Variants in ACTA2 observed in about 807,000 individuals in gnomAD.
The protein encoded by ACTA2 is actin alpha 2, smooth muscle.
Under a neutral mutation model 39.5 loss-of-function variants are expected in ACTA2, and 12 were observed. The observed-to-expected ratio is 0.30, with a 90% CI of 0.19 to 0.49. The LOEUF (loss-of-function observed/expected upper bound fraction) is 0.49, where lower values mean the gene tolerates loss of function less well. ACTA2 is among the 20% of genes least tolerant of loss of function. ACTA2 has a pLI of 0.99. For missense variants in ACTA2, 236 were observed against 498.8 expected, an observed-to-expected ratio of 0.47 and a Z score of 5.02; for synonymous variants, 158 against 180.6, an observed-to-expected ratio of 0.88 and a Z score of 1.00.
At chr10:88,936,904 G>T (rs911972725) in intron 8 of ACTA2, among the ~76,000 whole-genome samples, 4 of 151,686 alleles carry the variant, frequency 2.6e-5, no homozygotes. Flanking sequence ...TCATTACATC[G>T]GGGCCCAGAG....
At chr10:88,935,666 A>C (rs1845723948) in intron 8 of ACTA2, 2 of 364,816 alleles carry the variant, frequency 5.5e-6, no homozygotes, top group Non-Finnish European at 1.1e-5. Flanking sequence ...GCCCCCACTT[A>C]AGAACCCTGG....
intron 1 of ACTA2, among the ~76,000 whole-genome samples, chr10:88,967,687 T>C (rs1350207357): frequency 3.9e-5 from 6 of 152,222 alleles, no homozygotes; most frequent in African/African-American, 1.2e-4. Flanking sequence ...ATATTTTGTT[T>C]CATGATTTTG....
chr10:88,989,088 T>C (rs778749943), intron 1 of ACTA2, among the ~76,000 whole-genome samples: 27 of 152,214 alleles, frequency 1.8e-4, no homozygotes, highest in Non-Finnish European at 3.4e-4. Context: ...TCTTTGCCAA[T>C]GTTGCTTAAG....
intron 1 of ACTA2, among the ~76,000 whole-genome samples, chr10:88,983,379 C>T (rs944074071): frequency 6.6e-6 from 1 of 151,954 alleles, no homozygotes; most frequent in African/African-American, 2.4e-5. Flanking sequence ...AACAGAACAA[C>T]AAAACAAGAA....
intron 1 of ACTA2, among the ~76,000 whole-genome samples, chr10:88,967,390 A>T (rs1029666538): frequency 6.6e-6 from 1 of 152,100 alleles, no homozygotes; most frequent in African/African-American, 2.4e-5. Flanking sequence ...CTAGCATCTC[A>T]CCTCAGTTTT....
intron 1 of ACTA2, among the ~76,000 whole-genome samples, chr10:88,976,649 GT>G (rs1301509888): frequency 1.3e-5 from 2 of 152,050 alleles, no homozygotes; most frequent in African/African-American, 4.8e-5. Context: ...ATGATATTGT[GT>G]TATTTTAAAA....
chr10:88,976,480 T>A (rs945406082), intron 1 of ACTA2, among the ~76,000 whole-genome samples: 2 of 152,224 alleles, frequency 1.3e-5, no homozygotes, highest in Admixed American at 6.5e-5. Flanking sequence ...AATTAGTACA[T>A]TAATTACATT....
upstream of ACTA2, among the ~76,000 whole-genome samples, chr10:88,954,160 G>A (rs1846095687): frequency 6.6e-6 from 1 of 152,168 alleles, no homozygotes; most frequent in Non-Finnish European, 1.5e-5. Context: ...ATCCCAAAAT[G>A]AGTGGCTTTA....
At chr10:88,959,851 G>A (rs562040204) in intron 1 of ACTA2, among the ~76,000 whole-genome samples, 1 of 152,228 alleles carries the variant, frequency 6.6e-6, no homozygotes, top group East Asian at 1.9e-4. Context: ...CAGTTTTGAG[G>A]AGTATTGATC....
intron 1 of ACTA2, among the ~76,000 whole-genome samples, chr10:88,966,423 C>T (rs548044880): frequency 6.6e-6 from 1 of 152,158 alleles, no homozygotes; most frequent in South Asian, 2.1e-4. Context: ...GCCCTTTGGC[C>T]CTCATTTTGT....
At chr10:88,947,192 G>A in intron 3 of ACTA2, 66 bp downstream of exon 3, 1 of 1,603,094 alleles carries the variant, frequency 6.2e-7, no homozygotes. Flanking sequence ...GTAGTGTGGT[G>A]TTCTGTATCA....
chr10:88,985,361 T>A (rs1417493470), intron 1 of ACTA2, among the ~76,000 whole-genome samples: 1 of 152,186 alleles, frequency 6.6e-6, no homozygotes, highest in Non-Finnish European at 1.5e-5. Flanking sequence ...ATTATCCAAA[T>A]CAAAACTCTT....
Position 88,985,826 on chromosome 10 carries a change from G to T in ACTA2, c.-24+5113C>A, listed in dbSNP as rs894301350. On this transcript the variant is annotated intron_variant, in intron 1 of 4. Coordinates refer to the ACTA2 transcript ENST00000415557. The stretch of plus-strand genomic sequence containing the variant: ...GAGGTTGTTTGGGGGCAGGGAGGAA[G>T]TCTAAAGTAGAGAGAAAGCGCTGCC... 4.6e-5 allele frequency among the ~76,000 whole-genome samples: 7 copies of T among 152,248 alleles called. 1 individual carries two copies. Among genetic ancestry groups the T allele is most frequent in the Non-Finnish European group, 1.5e-5 (1 of 68,048 alleles).
chr10:88,941,099 T>C, intron 6 of ACTA2, 130 bp downstream of exon 6: 3 of 1,123,984 alleles, frequency 2.7e-6, no homozygotes, highest in African/African-American at 1.5e-5. Context: ...TGCTTTGCTC[T>C]GTGCATTAGA....
Position 88,948,868 on chromosome 10 carries a change from G to A in ACTA2, c.63C>T (p.Ala21=), listed in dbSNP as rs201193926. 42 of 1,613,926 alleles carry A rather than the reference G, an allele frequency of 2.6e-5. No homozygotes were observed. The highest frequency in any genetic ancestry group is 1.5e-4 in the African/African-American group (11 of 74,974). Residue 21 remains alanine, a synonymous_variant, in exon 2 of 9, where the codon GCC becomes GCT. Transcript: ENST00000224784. ...TGGGAGCATCGTCCCCAGCAAAGCC[G>A]GCCTTACAGAGCCCAGAGCCATTGT... is the stretch of plus-strand genomic sequence containing the variant. ...VCDNGSGLCK[A]GFAGDDAPRA...
intron 1 of ACTA2, among the ~76,000 whole-genome samples, chr10:88,958,205 G>A (rs183792692): frequency 5.9e-5 from 9 of 152,218 alleles, no homozygotes; most frequent in African/African-American, 1.9e-4. Flanking sequence ...AATTGATTTC[G>A]TCTTTGCATT....
intron 1 of ACTA2, among the ~76,000 whole-genome samples, chr10:88,981,121 G>C (rs988836106): frequency 5.3e-5 from 8 of 152,206 alleles, no homozygotes; most frequent in Non-Finnish European, 7.3e-5. Context: ...ATCCAAGAGA[G>C]AGCGGGGCCA....
chr10:88,970,725 G>A (rs1161832149), intron 1 of ACTA2, among the ~76,000 whole-genome samples: 1 of 152,074 alleles, frequency 6.6e-6, no homozygotes, highest in Admixed American at 6.6e-5. Flanking sequence ...GTTGTGGGGT[G>A]GGGAGAGCGG....
Position 88,941,042 on chromosome 10 carries a change from AG to A in ACTA2, c.616+186del, listed in dbSNP as rs1006678406. ...TGGGTGTCTATAACTGTTCTCCTCA[AG>A]GAAATAGTGTAATCATTTTGCAACT... On this transcript the variant is annotated intron_variant, in intron 6 of 8. Transcript: ENST00000224784. The A allele has an allele frequency of 4.0e-5, 28 of 699,888 alleles. No homozygotes were observed. In the African/African-American group the frequency reaches 4.7e-4, roughly 12 times the overall value. The allele number at this position is 699,888 out of a possible 1,614,324, so 43.4% of individuals were successfully genotyped here.
Sources: gnomAD v4.1 joint callset for allele counts (sites outside exome capture counted in the v4.1 genomes callset) on GRCh38, gnomAD v4.1.1 for gene constraint, MANE v1.5 for transcripts, NCBI Gene and HGNC (gene_info 2026-07-23, HGNC 2026-07-21) for gene names.